Variants in AGTPBP1 observed in about 807,000 individuals in gnomAD.
AGTPBP1 encodes the protein cytosolic carboxypeptidase 1.
A neutral mutation model predicts 143.9 loss-of-function variants in AGTPBP1; 70 were observed. The observed-to-expected ratio is 0.49, with a 90% CI of 0.40 to 0.59. The LOEUF is 0.59. AGTPBP1 is among the 20% of genes least tolerant of loss of function. AGTPBP1 has a pLI of 0.00. For missense variants in AGTPBP1, 1,229 were observed against 1,464.5 expected (o/e 0.84, Z 2.62); for synonymous variants, 463 against 500.2 (o/e 0.93, Z 0.99).
chr9:85,655,119 G>C, intron 11 of AGTPBP1, 24 bp downstream of exon 11: 2 of 1,535,546 alleles, frequency 1.3e-6, no homozygotes, highest in Non-Finnish European at 1.7e-6. Context: ...CCCACAAAAA[G>C]CAGCAGTGAC....
intron 1 of AGTPBP1, among the ~76,000 whole-genome samples, chr9:85,730,563 T>C (rs1469577417): frequency 6.6e-6 from 1 of 152,164 alleles, no homozygotes; most frequent in East Asian, 1.9e-4. Flanking sequence ...AGTTTTGTAG[T>C]AGAGGTCTCT....
At chr9:85,574,520 T>C (rs1827773209) in intron 25 of AGTPBP1, among the ~76,000 whole-genome samples, 1 of 151,220 alleles carries the variant, frequency 6.6e-6, no homozygotes, top group Non-Finnish European at 1.5e-5. Context: ...CTACAGCTTA[T>C]CAAATTTGTA....
chr9:85,668,309 G>A (rs904169779), intron 8 of AGTPBP1, among the ~76,000 whole-genome samples: 1 of 151,826 alleles, frequency 6.6e-6, no homozygotes. Flanking sequence ...GACAACTGGA[G>A]AAAATCAAAC....
intron 13 of AGTPBP1, among the ~76,000 whole-genome samples, chr9:85,637,690 G>T (rs1338646190): frequency 6.6e-6 from 1 of 152,190 alleles, no homozygotes; most frequent in African/African-American, 2.4e-5. Context: ...GAGACTTTCT[G>T]GAATGACAAG....
At chr9:85,802,604 C>T in the AGTPBP1 span, among the ~76,000 whole-genome samples, 65 of 152,298 alleles carry the variant, frequency 4.3e-4, no homozygotes, top group Non-Finnish European at 7.6e-4. Flanking sequence ...CAATACTTTC[C>T]GTTAAGGACT....
chr9:85,575,184 G>T, intron 25 of AGTPBP1, 131 bp downstream of exon 25: 1 of 540,154 alleles, frequency 1.9e-6, no homozygotes, highest in Non-Finnish European at 3.0e-6. Flanking sequence ...ACAAATATTT[G>T]ATGTATTAAC....
intron 11 of AGTPBP1, among the ~76,000 whole-genome samples, chr9:85,652,640 A>T (rs1343214400): frequency 6.6e-6 from 1 of 152,166 alleles, no homozygotes; most frequent in Non-Finnish European, 1.5e-5. Flanking sequence ...GGCTCTATGC[A>T]TCGCTTCCAT....
intron 11 of AGTPBP1, among the ~76,000 whole-genome samples, chr9:85,648,762 A>C (rs2133876574): frequency 6.6e-6 from 1 of 152,274 alleles, no homozygotes; most frequent in South Asian, 2.1e-4. Context: ...CAGTGAGCTG[A>C]GATCGCGCCA....
chr9:85,762,571 T>C, the AGTPBP1 span, among the ~76,000 whole-genome samples: 2 of 137,154 alleles, frequency 1.5e-5, no homozygotes, highest in East Asian at 2.1e-4. Context: ...AATTGAACAA[T>C]GCGAACACTT....
intron 13 of AGTPBP1, among the ~76,000 whole-genome samples, chr9:85,635,511 A>G (rs972735658): frequency 2.0e-5 from 3 of 152,216 alleles, no homozygotes; most frequent in African/African-American, 7.2e-5. Flanking sequence ...CAACTTTTAC[A>G]TATATTAAAT....
chr9:85,689,179 A>G (rs1835682149), intron 3 of AGTPBP1, among the ~76,000 whole-genome samples: 1 of 152,210 alleles, frequency 6.6e-6, no homozygotes, highest in Admixed American at 6.5e-5. Flanking sequence ...GTTTATAGGA[A>G]CTCAGCCATG....
At chr9:85,570,703 A>G (rs538382526) in intron 25 of AGTPBP1, among the ~76,000 whole-genome samples, 9 of 152,352 alleles carry the variant, frequency 5.9e-5, no homozygotes, top group African/African-American at 2.2e-4. Flanking sequence ...CACTCTGCCC[A>G]TGATAGGTTG....
intron 1 of AGTPBP1, among the ~76,000 whole-genome samples, chr9:85,725,475 G>A (rs914275073): frequency 6.6e-6 from 1 of 152,040 alleles, no homozygotes; most frequent in South Asian, 2.1e-4. Context: ...CTACGCATAG[G>A]GGGAGGATGG....
At chr9:85,572,777 T>C (rs1017908520) in intron 25 of AGTPBP1, among the ~76,000 whole-genome samples, 5 of 152,202 alleles carry the variant, frequency 3.3e-5, no homozygotes, top group Non-Finnish European at 5.9e-5. Flanking sequence ...ATTTTTATAT[T>C]CATTTCTATT....
At chr9:85,780,404 A>C in the AGTPBP1 span, among the ~76,000 whole-genome samples, 3 of 147,048 alleles carry the variant, frequency 2.0e-5, no homozygotes, top group Admixed American at 6.9e-5. Context: ...TTTGTGATTT[A>C]GTCTTTATGG....
chr9:85,753,081 T>C, the AGTPBP1 span, among the ~76,000 whole-genome samples: 1 of 152,216 alleles, frequency 6.6e-6, no homozygotes, highest in Non-Finnish European at 1.5e-5. Context: ...CCAACTGTCA[T>C]CTACTCATTT....
chr9:85,745,662 C>T (rs1282859647), upstream of AGTPBP1, among the ~76,000 whole-genome samples: 1 of 152,134 alleles, frequency 6.6e-6, no homozygotes, highest in Non-Finnish European at 1.5e-5. Context: ...CAAATGGTTT[C>T]CATGGTAAAC....
chr9:85,776,903 A>C, the AGTPBP1 span, among the ~76,000 whole-genome samples: 6 of 152,162 alleles, frequency 3.9e-5, no homozygotes, highest in Admixed American at 1.3e-4. Flanking sequence ...TGGACTCGTG[A>C]ATCCTGACTA....
intron 25 of AGTPBP1, among the ~76,000 whole-genome samples, chr9:85,568,637 G>T (rs1181442291): frequency 2.6e-5 from 4 of 152,214 alleles, no homozygotes; most frequent in Non-Finnish European, 5.9e-5. Context: ...AGTACATGGA[G>T]CAAGACCAGT....
Sources: gnomAD v4.1 joint callset for allele counts (sites outside exome capture counted in the v4.1 genomes callset) on GRCh38, gnomAD v4.1.1 for gene constraint, MANE v1.5 for transcripts, NCBI Gene and HGNC (gene_info 2026-07-23, HGNC 2026-07-21) for gene names.